MARS1: variants seen among roughly 807,000 people sequenced by gnomAD.
MARS1 encodes methionine--tRNA ligase, cytoplasmic.
A neutral mutation model predicts 119.5 loss-of-function variants in MARS1; 80 were observed. The observed-to-expected ratio is 0.67, with a 90% CI of 0.56 to 0.81. The LOEUF (loss-of-function observed/expected upper bound fraction) is 0.81, where lower values mean the gene tolerates loss of function less well. Ranked by LOEUF, MARS1 falls within the 30% of genes least tolerant of loss-of-function variation. The pLI, the probability that MARS1 is intolerant of heterozygous loss-of-function variation, is 0.00. For synonymous variants in MARS1, 418 were observed against 433.4 expected (o/e 0.96, Z 0.44); for missense variants, 945 against 1,116.5 (o/e 0.85, Z 2.19).
chr12:57,502,950 C>T (rs1368082762), intron 10 of MARS1, among the ~76,000 whole-genome samples: 8 of 151,244 alleles, frequency 5.3e-5, no homozygotes, highest in Non-Finnish European at 1.0e-4. Context: ...CGCTTGAACC[C>T]GGGAGGTGGA....
chr12:57,496,533 CT>C, intron 7 of MARS1, among the ~76,000 whole-genome samples: 1 of 152,198 alleles, frequency 6.6e-6, no homozygotes, highest in East Asian at 1.9e-4. Flanking sequence ...AATCCCAGCA[CT>C]TTGGGAGGTT....
rs572532459 is a variant in MARS1, at chr12:57,500,262, G to C, written c.1092-59G>C. Reference sequence around the variant, plus strand: ...TGGGTCCCTGGTTGGAGTGGCAGGAGGAAGGGGTCCACCACGTCTTCTGAC... The same window carrying C: ...TGGGTCCCTGGTTGGAGTGGCAGGACGAAGGGGTCCACCACGTCTTCTGAC... On this transcript the variant is annotated intron_variant, in intron 9 of 20. Coordinates refer to ENST00000262027, the MANE Select transcript of MARS1 (RefSeq NM_004990.4). 24 of 1,442,278 alleles carry C rather than the reference G, an allele frequency of 1.7e-5. No individual in the cohort carries two copies. In the East Asian group the frequency reaches 3.9e-4, roughly 23 times the overall value. 89.3% of individuals were successfully genotyped at this position (1,442,278 alleles called of 1,614,324 possible).
At chr12:57,493,282 CTTG>C (rs1265371949) in intron 7 of MARS1, among the ~76,000 whole-genome samples, 37 of 109,446 alleles carry the variant, frequency 3.4e-4, no homozygotes, top group Non-Finnish European at 5.9e-4. Flanking sequence ...TGTTGTTTTG[CTTG>C]TTTTGAGTAT....
At chr12:57,513,467 A>G (rs954735532) in intron 15 of MARS1, among the ~76,000 whole-genome samples, 1 of 152,020 alleles carries the variant, frequency 6.6e-6, no homozygotes, top group African/African-American at 2.4e-5. Flanking sequence ...AAAAAGAATC[A>G]GCCAGGCGTG....
chr12:57,516,419 C>A lies in MARS1; in HGVS notation c.2557-16C>A, dbSNP rs1877834323. 6.2e-7 allele frequency: 1 copy of A among 1,612,544 alleles called. No individual in the cohort carries two copies. ...TTCTTGCCTCACTGTTACCTCCCCA[C>A]CCCCCTTTATCTTAGGGAAACATTG... On this transcript the variant is annotated splice_polypyrimidine_tract_variant and intron_variant, in intron 20 of 20. Coordinates refer to ENST00000262027, the MANE Select transcript of MARS1 (RefSeq NM_004990.4).
chr12:57,504,182 TG>T, intron 10 of MARS1, 42 bp from the exon 11 acceptor site: 1 of 1,443,804 alleles, frequency 6.9e-7, no homozygotes, highest in Non-Finnish European at 9.8e-7. Context: ...ACCCCTCCCC[TG>T]GCCTGCAGGC....
At chr12:57,508,680 GA>G (rs1282780692) in intron 11 of MARS1, among the ~76,000 whole-genome samples, 5 of 56,362 alleles carry the variant, frequency 8.9e-5, no homozygotes, top group African/African-American at 2.3e-4. Flanking sequence ...ACCGTGGGGA[GA>G]GGTAGAGGTA....
intron 1 of MARS1, chr12:57,488,782 C>A (rs1476716027): frequency 3.2e-6 from 3 of 933,412 alleles, no homozygotes; most frequent in Non-Finnish European, 3.3e-6. Context: ...AATACCACCA[C>A]CTCCTCTGCA....
At chr12:57,495,148 C>T (rs1175389516) in intron 7 of MARS1, among the ~76,000 whole-genome samples, 5 of 150,130 alleles carry the variant, frequency 3.3e-5, no homozygotes, top group East Asian at 2.0e-4. Flanking sequence ...CCCCACCTCC[C>T]GGATGGGGTG....
chr12:57,515,873 G>C (rs763740787), intron 18 of MARS1, 47 bp from the exon 19 acceptor site: 1 of 1,436,672 alleles, frequency 7.0e-7, no homozygotes, highest in Non-Finnish European at 9.8e-7. Flanking sequence ...GTCTATGGTA[G>C]AGTCTGTATC....
At chr12:57,495,757 A>G (rs961044801) in intron 7 of MARS1, among the ~76,000 whole-genome samples, 2 of 152,098 alleles carry the variant, frequency 1.3e-5, no homozygotes, top group Admixed American at 1.3e-4. Context: ...CCAGCACCTC[A>G]GGAGGCCCAG....
intron 7 of MARS1, among the ~76,000 whole-genome samples, chr12:57,494,251 C>T (rs1384910201): frequency 2.0e-5 from 3 of 151,088 alleles, no homozygotes; most frequent in Admixed American, 6.6e-5. Flanking sequence ...CCACTACGCC[C>T]AGCCTTGTTT....
Position 57,512,887 on chromosome 12 carries a change from C to T in MARS1, c.1890C>T (p.Asp630=). Reference sequence around the variant, plus strand: ...TGTACATTCGGCCTGAGGGCCAGGACAGTGCTTTCTCCTGGACGGACCTGC... The same window carrying T: ...TGTACATTCGGCCTGAGGGCCAGGATAGTGCTTTCTCCTGGACGGACCTGC... ...YLLYIRPEGQ[D]SAFSWTDLLL... is the part of the protein sequence containing the mutation. Residue 630 remains aspartate, a synonymous_variant, in exon 15 of 21, where the codon GAC becomes GAT. Transcript: ENST00000262027. The T allele has an allele frequency of 6.2e-7, 1 of 1,614,232 alleles. No individual in the cohort carries two copies. The highest frequency in any genetic ancestry group is 8.5e-7 in the Non-Finnish European group (1 of 1,180,040).
chr12:57,516,345 G>A lies in MARS1; in HGVS notation c.2556+8G>A, dbSNP rs763903525. ...GATGAAGTGACAAAACAAGTATGAAGCTTAAGCCCTGTGGGAGACTGGACA... is the reference window on the plus strand; with the variant it reads ...GATGAAGTGACAAAACAAGTATGAAACTTAAGCCCTGTGGGAGACTGGACA... On this transcript the variant is annotated splice_region_variant and intron_variant, in intron 20 of 20. Transcript: ENST00000262027. 2 of 1,614,104 alleles carry A rather than the reference G, an allele frequency of 1.2e-6. No homozygotes were observed. Among genetic ancestry groups the A allele is most frequent in the Admixed American group, 3.3e-5 (2 of 60,010 alleles).
chr12:57,489,023 T>C lies in MARS1; in HGVS notation c.114T>C (p.Cys38=). The change falls in exon 2 of 21, where the codon TGT becomes TGC. Residue 38 remains cysteine (C), a synonymous_variant. Coordinates refer to ENST00000262027, the MANE Select transcript of MARS1 (RefSeq NM_004990.4). Reference sequence around the variant, plus strand: ...CATTTTCCATTCTTGCATCAGATTGTGTGGTCCCGTTCCTGACCCGGCCTA... The same window carrying C: ...CATTTTCCATTCTTGCATCAGATTGCGTGGTCCCGTTCCTGACCCGGCCTA... The part of the protein sequence containing the change: ...VLISTVGPED[C]VVPFLTRPKV... 6.2e-7 allele frequency: 1 copy of C among 1,612,218 alleles called. No homozygotes were observed. Among genetic ancestry groups the C allele is most frequent in the Middle Eastern group, 1.7e-4 (1 of 6,058 alleles).
At chr12:57,506,652 C>T (rs1430648288) in intron 11 of MARS1, among the ~76,000 whole-genome samples, 1 of 152,100 alleles carries the variant, frequency 6.6e-6, no homozygotes, top group Admixed American at 6.6e-5. Context: ...CCCATTGCAA[C>T]TTATGAGCAG....
At position 57,504,292 on chromosome 12, in the gene MARS1, T is replaced by C; in HGVS notation, c.1361T>C (p.Leu454Pro). 1 of 1,614,106 alleles carries C rather than the reference T, an allele frequency of 6.2e-7. No individual in the cohort carries two copies. Among genetic ancestry groups the C allele is most frequent in the Non-Finnish European group, 8.5e-7 (1 of 1,179,926 alleles). ...TCGAGCCAGCACCTGTTTCTGGACC[T>C]GCCTAAGGTAAGTGAGCTTTTCTCT... ...VQSSQHLFLD[L>P]PKLEKRLEEW... The change falls in exon 11 of 21, where the codon CTG becomes CCG. Residue 454 changes from leucine (L) to proline (P), a missense_variant. Transcript: ENST00000262027.
At chr12:57,488,436 C>G in intron 1 of MARS1, 1 of 881,724 alleles carries the variant, frequency 1.1e-6, no homozygotes, top group East Asian at 2.7e-5. Flanking sequence ...TTCCGTCTTC[C>G]CGGTCCCCGC....
intron 17 of MARS1, 23 bp from the exon 18 acceptor site, chr12:57,515,127 G>A (rs760729625): frequency 1.7e-5 from 27 of 1,614,036 alleles, no homozygotes; most frequent in Non-Finnish European, 2.3e-5. Flanking sequence ...TGGAGGTCTT[G>A]ACTAATGTCT....
Sources: gnomAD v4.1 joint callset for allele counts (sites outside exome capture counted in the v4.1 genomes callset) on GRCh38, gnomAD v4.1.1 for gene constraint, MANE v1.5 for transcripts, NCBI Gene and HGNC (gene_info 2026-07-23, HGNC 2026-07-21) for gene names.